The following LSR variants were observed in gnomAD, a reference collection of about 807,000 sequenced individuals.
LSR encodes the protein lipolysis-stimulated lipoprotein receptor.
Under a neutral mutation model 61.8 loss-of-function variants are expected in LSR, and 44 were observed. The observed-to-expected ratio is 0.71, with a 90% CI of 0.56 to 0.91. The LOEUF (loss-of-function observed/expected upper bound fraction) is 0.91, where lower values mean the gene tolerates loss of function less well. Among genes scored for constraint, LSR ranks in the 40% least tolerant of loss-of-function variants. The probability of loss-of-function intolerance (pLI) is 0.00; values close to 1 mark genes in which losing one functional copy is unlikely to be tolerated. For missense variants in LSR, 911 were observed against 830.5 expected, an observed-to-expected ratio of 1.10 and a Z score of -1.19; for synonymous variants, 397 against 350.6, an observed-to-expected ratio of 1.13 and a Z score of -1.48.
Position 35,267,527 on chromosome 19 carries a change from C to G in LSR, c.1563C>G (p.His521Gln). Residue 521 changes from histidine (H) to glutamine (Q), a missense_variant, in exon 9 of 10, where the codon CAC (histidine) becomes CAG (glutamine). By Grantham distance (24) the His-to-Gln change is conservative. Transcript: ENST00000605618. The part of the protein sequence containing the change: ...RPPADPRSHH[H>Q]RTRDPRDNGS... ...CTGCCGACCCCAGGTCCCACCACCA[C>G]CGTACCCGGGACCCTCGGGACAACG... is the stretch of plus-strand genomic sequence containing the variant. The G allele has an allele frequency of 6.2e-7, 1 of 1,612,196 alleles. No homozygotes were observed. The highest frequency in any genetic ancestry group is 8.5e-7 in the Non-Finnish European group (1 of 1,179,780).
chr19:35,265,637 G>A (rs868239730), intron 5 of LSR, among the ~76,000 whole-genome samples: 3 of 145,570 alleles, frequency 2.1e-5, no homozygotes, highest in South Asian at 2.1e-4. Context: ...TTGCCCTAGG[G>A]AGGAAGGAAG....
At chr19:35,252,676 G>A (rs1432626265) in intron 2 of LSR, among the ~76,000 whole-genome samples, 2 of 145,910 alleles carry the variant, frequency 1.4e-5, no homozygotes. Context: ...AAAAGACTCC[G>A]TCAAGGTATA....
At chr19:35,267,065 C>T (rs758706459) in intron 8 of LSR, 44 bp from the exon 9 acceptor site, 4 of 1,531,258 alleles carry the variant, frequency 2.6e-6, no homozygotes, top group Non-Finnish European at 2.6e-6. Flanking sequence ...AAACCCTGGA[C>T]CCCGGGCTCC....
Position 35,267,560 on chromosome 19 carries a change from G to A in LSR, c.1596G>A (p.Arg532=). The change falls in exon 9 of 10, where the codon AGG becomes AGA. Residue 532 remains arginine (R), a synonymous_variant. Transcript: ENST00000605618. ...GGGACCCTCGGGACAACGGCTCCAG[G>A]TCCGGGGACCTCCCCTATGATGGGC... The part of the protein sequence containing the change: ...RTRDPRDNGS[R]SGDLPYDGRL... 1 of 1,612,342 alleles carries A rather than the reference G, an allele frequency of 6.2e-7. No individual in the cohort carries two copies. Among genetic ancestry groups the A allele is most frequent in the Non-Finnish European group, 8.5e-7 (1 of 1,179,762 alleles).
rs773678104 is a variant in LSR, at chr19:35,266,843, C to T, written c.1020C>T (p.Arg340=). Residue 340 remains arginine (R), a synonymous_variant, in exon 8 of 10, where the codon CGC becomes CGT. Coordinates refer to ENST00000605618, the MANE Select transcript of LSR (RefSeq NM_205834.4). ...DTDSSVASEV[R]SGYRIQASQQ... ...CCACCCCCCTGTCCCTAGAAGTCCG[C>T]AGTGGCTACAGGATTCAGGCCAGCC... The T allele has an allele frequency of 5.6e-6, 9 of 1,608,204 alleles. No homozygotes were observed. Among genetic ancestry groups the T allele is most frequent in the Non-Finnish European group, 5.9e-6 (7 of 1,177,282 alleles).
At position 35,267,196 on chromosome 19, in the gene LSR, A is replaced by G; in HGVS notation, c.1232A>G (p.Glu411Gly). 6.6e-7 allele frequency: 1 copy of G among 1,522,516 alleles called. No homozygotes were observed. Among genetic ancestry groups the G allele is most frequent in the Non-Finnish European group, 8.8e-7 (1 of 1,138,288 alleles). 94.3% of individuals were successfully genotyped at this position (1,522,516 alleles called of 1,614,324 possible). Residue 411 changes from glutamate to glycine, a missense_variant, in exon 9 of 10, where the codon GAG becomes GGG. By Grantham distance (98) the Glu-to-Gly change is moderately conservative. Coordinates refer to ENST00000605618, the MANE Select transcript of LSR (RefSeq NM_205834.4). ...GCCCTCACCCCGATCCGGGATGAGG[A>G]GTGGGGTGGCCACTCCCCCCGGAGT... ...GPALTPIRDE[E>G]WGGHSPRSPR...
rs184076158 is a variant in LSR at position 35,267,931 on chromosome 19, C to T, written c.*72C>T. 7.2e-4 allele frequency: 1,091 copies of T among 1,523,320 alleles called. 10 individuals carry two copies. In the East Asian group the frequency reaches 0.018, roughly 25 times the overall value. 94.4% of individuals were successfully genotyped at this position (1,523,320 alleles called of 1,614,324 possible). On this transcript the variant is annotated 3_prime_UTR_variant, in exon 10 of 10. Transcript: ENST00000605618. ...GGAACACTGATGAAGCCCTGCCATA[C>T]CCCTCCCGAGTCTAATAAAACGTAT...
intron 2 of LSR, among the ~76,000 whole-genome samples, chr19:35,258,455 CAAA>C (rs55838205): frequency 8.3e-6 from 1 of 120,914 alleles, no homozygotes; most frequent in Non-Finnish European, 1.9e-5. Flanking sequence ...CCGATTCAAA[CAAA>C]AAAAAAAAAA....
intron 5 of LSR, among the ~76,000 whole-genome samples, chr19:35,263,673 A>T (rs1275816112): frequency 4.6e-5 from 7 of 151,858 alleles, no homozygotes; most frequent in African/African-American, 1.7e-4. Context: ...ATTTTTAAAA[A>T]TTTTCTGTAG....
intron 2 of LSR, among the ~76,000 whole-genome samples, chr19:35,252,129 C>T (rs1000977165): frequency 5.3e-5 from 8 of 152,024 alleles, no homozygotes; most frequent in African/African-American, 7.2e-5. Context: ...CCACCGCGCC[C>T]GGCCCCTTGT....
chr19:35,256,717 TGAATGAATGAATGAAA>T (rs747411411), intron 2 of LSR, among the ~76,000 whole-genome samples: 1,663 of 129,580 alleles, frequency 0.013, 27 homozygotes, highest in African/African-American at 0.043. Flanking sequence ...AATGAATGAA[TGAATGAATGAATGAAA>T]GAAAGAAAGA....
chr19:35,249,668 T>A (rs185711481), intron 1 of LSR, among the ~76,000 whole-genome samples: 1 of 152,220 alleles, frequency 6.6e-6, no homozygotes, highest in African/African-American at 2.4e-5. Flanking sequence ...GTGGGATGGA[T>A]TTACGGACTT....
chr19:35,254,443 G>A (rs1356689376), intron 2 of LSR, among the ~76,000 whole-genome samples: 3 of 152,160 alleles, frequency 2.0e-5, no homozygotes, highest in African/African-American at 7.2e-5. Context: ...GTAGAAGGCT[G>A]TCCACTCCAG....
At chr19:35,260,833 A>AACACACAC (rs139397551) in intron 3 of LSR, among the ~76,000 whole-genome samples, 2 of 149,350 alleles carry the variant, frequency 1.3e-5, no homozygotes, top group African/African-American at 4.9e-5. Context: ...AAGAAACACA[A>AACACACAC]ACACACACAC....
At chr19:35,259,209 C>T (rs1358985752) in intron 3 of LSR, 145 bp downstream of exon 3, 2 of 1,060,772 alleles carry the variant, frequency 1.9e-6, no homozygotes, top group Non-Finnish European at 2.6e-6. Flanking sequence ...CTCTGCCAGT[C>T]ACTTAGGCTC....
intron 2 of LSR, among the ~76,000 whole-genome samples, chr19:35,254,093 T>G (rs569088330): frequency 2.6e-5 from 4 of 152,316 alleles, no homozygotes; most frequent in Admixed American, 6.5e-5. Context: ...GGTCACCCAC[T>G]GTGCTGGGGT....
At chr19:35,260,209 C>T (rs982271293) in intron 3 of LSR, among the ~76,000 whole-genome samples, 7 of 151,794 alleles carry the variant, frequency 4.6e-5, no homozygotes, top group Non-Finnish European at 7.4e-5. Context: ...TATCGAGGGT[C>T]TCCAAGAGCT....
intron 4 of LSR, 55 bp from the exon 5 acceptor site, chr19:35,262,491 G>A (rs937294668): frequency 2.3e-5 from 37 of 1,602,160 alleles, no homozygotes; most frequent in East Asian, 1.3e-4. Flanking sequence ...CTGCTGTGCC[G>A]TTAGCCCTGT....
intron 2 of LSR, 115 bp from the exon 3 acceptor site, chr19:35,258,830 C>A: frequency 1.5e-6 from 2 of 1,327,422 alleles, no homozygotes; most frequent in Non-Finnish European, 2.1e-6. Flanking sequence ...CATCTGCAGC[C>A]TGCCCAGCCC....
Sources: gnomAD v4.1 joint callset for allele counts (sites outside exome capture counted in the v4.1 genomes callset) on GRCh38, gnomAD v4.1.1 for gene constraint, MANE v1.5 for transcripts, NCBI Gene and HGNC (gene_info 2026-07-23, HGNC 2026-07-21) for gene names.